CACNA1H: variants seen among roughly 807,000 people sequenced by gnomAD.
CACNA1H encodes the protein calcium voltage-gated channel subunit alpha1 H, also known as voltage-dependent T-type calcium channel subunit alpha-1H.
CACNA1H carries 149 observed loss-of-function variants against 192.5 expected under a neutral mutation model. The ratio of observed to expected loss-of-function variants is 0.77; its 90% CI spans 0.68 to 0.89. The LOEUF (loss-of-function observed/expected upper bound fraction) is 0.89. Ranked by LOEUF, CACNA1H falls within the 40% of genes least tolerant of loss-of-function variation. CACNA1H has a pLI of 0.00. For missense variants in CACNA1H, 4,257 were observed against 3,423.5 expected (o/e 1.24, Z -6.08); for synonymous variants, 2,202 against 1,475.2 (o/e 1.49, Z -11.29).
At position 1,217,882 on chromosome 16, in the gene CACNA1H, G is replaced by A. The variant is rs371292867; in HGVS notation, c.5324-37G>A. 46 of 1,566,870 alleles carry A rather than the reference G, an allele frequency of 2.9e-5. No homozygotes were observed. In the African/African-American group the frequency reaches 4.1e-4, roughly 14 times the overall value. On this transcript the variant is annotated intron_variant, in intron 31 of 34. Transcript: ENST00000348261. Reference sequence around the variant, plus strand: ...TGCATGTCCCGCCTCCACCCGGAGCGGGCTCGGCTGACCGGGCGGGGTCTC... The same window carrying A: ...TGCATGTCCCGCCTCCACCCGGAGCAGGCTCGGCTGACCGGGCGGGGTCTC...
chr16:1,213,907 C>T lies in CACNA1H; in HGVS notation c.4905C>T (p.Ser1635=), dbSNP rs558820781. 8.1e-6 allele frequency: 13 copies of T among 1,611,632 alleles called. No homozygotes were observed. The highest frequency in any genetic ancestry group is 1.7e-4 in the Middle Eastern group (1 of 6,058). ...FIICVNVITM[S]MEHYNQPKSL... ...TCTGTGTCAACGTCATCACCATGTC[C>T]ATGGAGCACTATAACCAACCCAAGG... The change falls in exon 27 of 35, where the codon TCC becomes TCT. Residue 1635 remains serine, a synonymous_variant. Transcript: ENST00000348261.
chr16:1,200,654 C>T (rs1482709099), intron 7 of CACNA1H, 62 bp from the exon 8 acceptor site: 4 of 1,583,070 alleles, frequency 2.5e-6, no homozygotes, highest in African/African-American at 2.7e-5. Context: ...GCCCAGACCC[C>T]AGGGGCACGG....
intron 2 of CACNA1H, among the ~76,000 whole-genome samples, chr16:1,194,688 G>A (rs904900541): frequency 2.0e-5 from 3 of 152,212 alleles, no homozygotes; most frequent in South Asian, 2.1e-4. Context: ...CCAGCCCACC[G>A]AGGGCTCCTG....
At chr16:1,198,327 G>T (rs1967244578) in intron 5 of CACNA1H, among the ~76,000 whole-genome samples, 1 of 152,146 alleles carries the variant, frequency 6.6e-6, no homozygotes, top group African/African-American at 2.4e-5. Context: ...TCCAAAAGCA[G>T]CAGACCTGCT....
intron 2 of CACNA1H, among the ~76,000 whole-genome samples, chr16:1,183,767 T>A (rs1184653785): frequency 6.6e-6 from 1 of 152,256 alleles, no homozygotes; most frequent in Non-Finnish European, 1.5e-5. Flanking sequence ...CACATGCGTA[T>A]ACACGGGTGA....
Position 1,218,028 on chromosome 16 carries a change from C to T in CACNA1H, c.5433C>T (p.Asn1811=), listed in dbSNP as rs61467431. ...GCGTGTCCACGGGGGACAACTGGAACGGGATCATGAAGGTACCCGCCGCGG... is the reference window on the plus strand; with the variant it reads ...GCGTGTCCACGGGGGACAACTGGAATGGGATCATGAAGGTACCCGCCGCGG... ...LFRVSTGDNW[N]GIMKDTLREC... Residue 1811 remains asparagine, a synonymous_variant, in exon 32 of 35, where the codon AAC becomes AAT. Transcript: ENST00000348261. The T allele has an allele frequency of 1.1e-4, 173 of 1,599,482 alleles. 1 individual carries two copies. The highest frequency in any genetic ancestry group is 2.7e-4 in the South Asian group (24 of 89,024).
chr16:1,198,395 A>G (rs1173623505), intron 5 of CACNA1H, among the ~76,000 whole-genome samples: 1 of 152,124 alleles, frequency 6.6e-6, no homozygotes, highest in Non-Finnish European at 1.5e-5. Flanking sequence ...GTCAGACCCC[A>G]GGGTGTCAGT....
rs776887979 is a variant in CACNA1H, at chr16:1,202,295, G to C, written c.1845G>C (p.Thr615=). ...GGCTGGGCACCATGAACTACCCCAC[G>C]ATCCTGCCCTCAGGGGTGGGCAGCG... ...ATGLGTMNYP[T]ILPSGVGSGK... is the part of the protein sequence containing the mutation. Residue 615 remains threonine (T), a synonymous_variant, in exon 9 of 35, where the codon ACG becomes ACC. Coordinates refer to ENST00000348261, the MANE Select transcript of CACNA1H (RefSeq NM_021098.3). 3 of 1,584,952 alleles carry C rather than the reference G, an allele frequency of 1.9e-6. No individual in the cohort carries two copies. The highest frequency in any genetic ancestry group is 2.6e-6 in the Non-Finnish European group (3 of 1,167,838).
In CACNA1H at chr16:1,213,795, C is replaced by CCTACTATGCCGA; in HGVS notation, c.4799_4810dup (p.Tyr1600_Tyr1603dup). On this transcript the variant is annotated inframe_insertion, in exon 27 of 35. Coordinates refer to ENST00000348261, the MANE Select transcript of CACNA1H (RefSeq NM_021098.3). ...CTCCCCGCAGAGGCCCAGCGCCGGCCCTACTATGCCGACTACTCGCCCACG... is the reference window on the plus strand; with the variant it reads ...CTCCCCGCAGAGGCCCAGCGCCGGCCCTACTATGCCGACTACTATGCCGACTACTCGCCCACG... 1 of 1,567,040 alleles carries CCTACTATGCCGA rather than the reference C, an allele frequency of 6.4e-7. No individual in the cohort carries two copies. Among genetic ancestry groups the CCTACTATGCCGA allele is most frequent in the Non-Finnish European group, 8.6e-7 (1 of 1,158,472 alleles).
intron 2 of CACNA1H, among the ~76,000 whole-genome samples, chr16:1,177,144 C>T (rs754092941): frequency 7.9e-5 from 12 of 152,208 alleles, no homozygotes; most frequent in Non-Finnish European, 1.5e-4. Flanking sequence ...TTTTGTCATT[C>T]CACTGACATT....
chr16:1,200,095 C>T (rs142920731), intron 6 of CACNA1H, among the ~76,000 whole-genome samples, 161 bp from the exon 7 acceptor site: 3 of 152,224 alleles, frequency 2.0e-5, no homozygotes, highest in Middle Eastern at 6.8e-3. Flanking sequence ...CTATCATGCC[C>T]CCTGACCCTA....
intron 16 of CACNA1H, 78 bp downstream of exon 16, chr16:1,208,299 A>G (rs1968997938): frequency 9.9e-7 from 1 of 1,005,418 alleles, no homozygotes; most frequent in Non-Finnish European, 1.5e-6. Context: ...TTCCCTGAAG[A>G]TGAGTGAGGG....
At chr16:1,172,102 G>A (rs1037628668) in intron 2 of CACNA1H, among the ~76,000 whole-genome samples, 11 of 152,194 alleles carry the variant, frequency 7.2e-5, no homozygotes, top group African/African-American at 2.7e-4. Flanking sequence ...GACGTCACCG[G>A]GATGATGCTG....
chr16:1,188,927 T>A (rs928422001), intron 2 of CACNA1H, among the ~76,000 whole-genome samples: 8 of 152,122 alleles, frequency 5.3e-5, no homozygotes, highest in African/African-American at 1.7e-4. Context: ...CGTCCACACC[T>A]CCTGGCCCGC....
chr16:1,213,792 G>C lies in CACNA1H; in HGVS notation c.4790G>C (p.Arg1597Pro), dbSNP rs370079169. ...GCCCTCCCCGCAGAGGCCCAGCGCC[G>C]GCCCTACTATGCCGACTACTCGCCC... is the stretch of plus-strand genomic sequence containing the variant. Reference protein sequence around the residue: ...STFPSPEAQRRPYYADYSPTR... With the variant: ...STFPSPEAQRPPYYADYSPTR... The change falls in exon 27 of 35, where the codon CGG becomes CCG. Residue 1597 changes from arginine to proline, a missense_variant. Arg to Pro is a moderately radical substitution (Grantham distance 103). Transcript: ENST00000348261. The C allele has an allele frequency of 1.2e-5, 19 of 1,563,572 alleles. No homozygotes were observed. Among genetic ancestry groups the C allele is most frequent in the Non-Finnish European group, 1.5e-5 (17 of 1,156,764 alleles).
intron 31 of CACNA1H, 83 bp from the exon 32 acceptor site, chr16:1,217,836 A>G: frequency 6.7e-7 from 1 of 1,484,828 alleles, no homozygotes. Context: ...TGGGCTCCCC[A>G]AGGGGCATGT....
rs145136368 is a variant in CACNA1H at position 1,219,280 on chromosome 16, C to T, written c.6048+150C>T. On this transcript the variant is annotated intron_variant, in intron 34 of 34. Transcript: ENST00000348261. ...GGGCTCCGAAGGTTTCTGCCTGCTG[C>T]TTGGTGGATCTTGGAGCATTGGGCC... is the stretch of plus-strand genomic sequence containing the variant. 1,965 of 730,278 alleles carry T rather than the reference C, an allele frequency of 2.7e-3. 29 individuals carry two copies. In the African/African-American group the frequency reaches 0.031, roughly 11 times the overall value. 45.2% of individuals were successfully genotyped at this position (730,278 alleles called of 1,614,324 possible).
rs183799168 is a variant in CACNA1H at position 1,160,864 on chromosome 16, G to A, written c.299+6828G>A. ...TGGAGGCCCCGTGCAGCGTCAACCC[G>A]GGACGCCAGAGCACCCCATCCTCGG... On this transcript the variant is annotated intron_variant, in intron 2 of 34. Coordinates refer to ENST00000348261, the MANE Select transcript of CACNA1H (RefSeq NM_021098.3). Among the ~76,000 whole-genome samples, 153 of 152,236 alleles carry A rather than the reference G, an allele frequency of 1.0e-3. 1 individual carries two copies. Among genetic ancestry groups the A allele is most frequent in the East Asian group, 3.1e-3 (16 of 5,164 alleles).
rs1966853844 is a variant in CACNA1H, at chr16:1,194,915, G to A, written c.300-57G>A. 5 of 1,293,094 alleles carry A rather than the reference G, an allele frequency of 3.9e-6. No homozygotes were observed. The East Asian group carries it at 6.9e-5, about 18-fold the overall frequency. The allele number at this position is 1,293,094 out of a possible 1,614,324, so 80.1% of individuals were successfully genotyped here. ...GGCTGACCGGGTGGGCATTTGGAGG[G>A]CCCCATGGGAGCGGGTCCCGGGCCG... On this transcript the variant is annotated intron_variant, in intron 2 of 34. Coordinates refer to ENST00000348261, the MANE Select transcript of CACNA1H (RefSeq NM_021098.3).
Sources: gnomAD v4.1 joint callset for allele counts (sites outside exome capture counted in the v4.1 genomes callset) on GRCh38, gnomAD v4.1.1 for gene constraint, MANE v1.5 for transcripts, NCBI Gene and HGNC (gene_info 2026-07-23, HGNC 2026-07-21) for gene names.